TEC: variants seen among roughly 807,000 people sequenced by gnomAD.
TEC encodes the protein tec protein tyrosine kinase, also known as tyrosine-protein kinase Tec.
TEC carries 72 observed loss-of-function variants against 93.0 expected under a neutral mutation model. That is an observed-to-expected ratio of 0.77 (90% CI 0.64 to 0.94). The LOEUF is 0.94. TEC is among the 40% of genes least tolerant of loss of function. The pLI, the probability that TEC is intolerant of heterozygous loss-of-function variation, is 0.00. For missense variants in TEC, 630 were observed against 757.9 expected (o/e 0.83, Z 1.98); for synonymous variants, 249 against 247.7 (o/e 1.01, Z -0.05).
At chr4:48,200,188 C>G (rs531280800) in intron 2 of TEC, among the ~76,000 whole-genome samples, 1 of 148,408 alleles carries the variant, frequency 6.7e-6, no homozygotes, top group African/African-American at 2.5e-5. Flanking sequence ...AGGGGATACA[C>G]GGGTTCTAGA....
chr4:48,159,462 G>C (rs559862092), intron 8 of TEC, among the ~76,000 whole-genome samples: 6 of 152,148 alleles, frequency 3.9e-5, no homozygotes, highest in Admixed American at 6.5e-5. Flanking sequence ...GCACGATCTC[G>C]GCTCACTGCA....
At position 48,228,469 on chromosome 4, in the gene TEC, T is replaced by C; in HGVS notation, c.138+8A>G. The C allele has an allele frequency of 6.3e-7, 1 of 1,583,088 alleles. No homozygotes were observed. Among genetic ancestry groups the C allele is most frequent in the South Asian group, 1.2e-5 (1 of 85,642 alleles). On this transcript the variant is annotated splice_region_variant and intron_variant, in intron 2 of 17. Transcript: ENST00000381501. ...AAAGCAGAAAAGTAAATCGTGATTG[T>C]CTCTTACCTCTGCTCGACCCTCATA...
chr4:48,194,232 A>G (rs912339672), intron 2 of TEC, among the ~76,000 whole-genome samples: 1 of 152,182 alleles, frequency 6.6e-6, no homozygotes, highest in Admixed American at 6.5e-5. Flanking sequence ...CCCTGCCTAT[A>G]TCTAGCCAGT....
Position 48,146,251 on chromosome 4 carries a change from C to T in TEC, c.1081+74G>A, listed in dbSNP as rs932401543. 2.4e-5 allele frequency: 34 copies of T among 1,391,594 alleles called. No homozygotes were observed. The African/African-American group carries it at 4.3e-4, about 18-fold the overall frequency. 86.2% of individuals were successfully genotyped at this position (1,391,594 alleles called of 1,614,324 possible). The stretch of plus-strand genomic sequence containing the variant: ...CAGTTCCAGTATGTGAAATAGTACA[C>T]ATCCAAATTTATCTTATGACAATGG... On this transcript the variant is annotated intron_variant, in intron 12 of 17. Transcript: ENST00000381501.
chr4:48,156,839 A>G, intron 8 of TEC, 105 bp from the exon 9 acceptor site: 1 of 852,344 alleles, frequency 1.2e-6, no homozygotes, highest in Non-Finnish European at 1.7e-6. Flanking sequence ...AAATATAACA[A>G]ATAAGAACAA....
chr4:48,226,660 G>A (rs1261042442), intron 2 of TEC, among the ~76,000 whole-genome samples: 24 of 151,958 alleles, frequency 1.6e-4, no homozygotes, highest in Non-Finnish European at 4.4e-5. Context: ...TACTGTTCAT[G>A]TCCTCAGTAA....
In TEC at chr4:48,145,488, G is replaced by C; in HGVS notation, c.1173C>G (p.Ala391=). The C allele has an allele frequency of 6.2e-7, 1 of 1,613,970 alleles. No individual in the cohort carries two copies. The highest frequency in any genetic ancestry group is 8.5e-7 in the Non-Finnish European group (1 of 1,180,004). ...FGVVRLGKWR[A]QYKVAIKAIR... is the part of the protein sequence containing the mutation. ...TAGCTTTGATTGCGACTTTGTACTG[G>C]GCTCGCCATTTGCCAAGCCTCACCA... The change falls in exon 13 of 18, where the codon GCC becomes GCG. Residue 391 remains alanine, a synonymous_variant. Coordinates refer to ENST00000381501, the MANE Select transcript of TEC (RefSeq NM_003215.3).
At position 48,137,336 on chromosome 4, in the gene TEC, A is replaced by G; in HGVS notation, c.*80T>C. 1.8e-6 allele frequency: 2 copies of G among 1,110,646 alleles called. No homozygotes were observed. The highest frequency in any genetic ancestry group is 1.3e-5 in the South Asian group (1 of 74,894). 68.8% of individuals were successfully genotyped at this position (1,110,646 alleles called of 1,614,324 possible). ...ATAAGTAAAATGATCTACATGTCCA[A>G]GTGCTCAATAAATTAAAAGCCACAA... On this transcript the variant is annotated 3_prime_UTR_variant, in exon 18 of 18. Transcript: ENST00000381501.
At chr4:48,139,633 A>G (rs993785366) in intron 15 of TEC, among the ~76,000 whole-genome samples, 6 of 152,246 alleles carry the variant, frequency 3.9e-5, no homozygotes, top group Admixed American at 1.3e-4. Flanking sequence ...GTGAACATAC[A>G]ATGTCCTTCT....
intron 7 of TEC, among the ~76,000 whole-genome samples, chr4:48,165,253 T>C (rs1390692795): frequency 2.0e-5 from 3 of 152,184 alleles, no homozygotes; most frequent in Non-Finnish European, 4.4e-5. Context: ...AAAAATAAAC[T>C]GTTGGTTACC....
intron 1 of TEC, among the ~76,000 whole-genome samples, chr4:48,233,417 A>T (rs1196642729): frequency 6.6e-6 from 1 of 151,332 alleles, no homozygotes; most frequent in African/African-American, 2.4e-5. Flanking sequence ...GGCATAAGTG[A>T]ACTTCCTGCC....
intron 1 of TEC, among the ~76,000 whole-genome samples, chr4:48,255,972 C>T (rs1284229800): frequency 6.6e-6 from 1 of 152,100 alleles, no homozygotes; most frequent in East Asian, 1.9e-4. Flanking sequence ...AATGCAGAGG[C>T]CCAAATACAG....
intron 2 of TEC, among the ~76,000 whole-genome samples, chr4:48,215,385 T>G (rs1723044081): frequency 1.3e-5 from 2 of 152,156 alleles, no homozygotes; most frequent in Admixed American, 1.3e-4. Flanking sequence ...CACGCATCTA[T>G]AATCCCAGCT....
chr4:48,173,667 A>G (rs1379784437), intron 3 of TEC, among the ~76,000 whole-genome samples: 1 of 152,244 alleles, frequency 6.6e-6, no homozygotes, highest in Non-Finnish European at 1.5e-5. Context: ...ACCCACTGGT[A>G]GTTACCCACC....
intron 2 of TEC, among the ~76,000 whole-genome samples, chr4:48,182,256 G>A (rs2109566729): frequency 6.7e-6 from 1 of 148,316 alleles, no homozygotes; most frequent in African/African-American, 2.5e-5. Flanking sequence ...CTGCCCTCCA[G>A]CCTAGGTGAC....
intron 2 of TEC, among the ~76,000 whole-genome samples, chr4:48,183,372 C>T (rs1257044174): frequency 6.6e-6 from 1 of 152,204 alleles, no homozygotes; most frequent in Non-Finnish European, 1.5e-5. Context: ...GATACTCAGA[C>T]GGCTGGTAAA....
chr4:48,172,147 G>T (rs1179266388), intron 3 of TEC, among the ~76,000 whole-genome samples: 1 of 152,164 alleles, frequency 6.6e-6, no homozygotes, highest in Non-Finnish European at 1.5e-5. Context: ...CTTAGAGGTA[G>T]TCCTTGGTGG....
At chr4:48,166,339 G>A (rs1216552665) in intron 7 of TEC, among the ~76,000 whole-genome samples, 1 of 152,160 alleles carries the variant, frequency 6.6e-6, no homozygotes, top group Admixed American at 6.5e-5. Context: ...AAGGGTATTT[G>A]TCAAGTTGGA....
chr4:48,210,240 T>C lies in TEC; in HGVS notation c.138+18237A>G, dbSNP rs144666571. On this transcript the variant is annotated intron_variant, in intron 2 of 17. Transcript: ENST00000381501. ...GCTTATGCCTGTAATCTTGGCACTT[T>C]GGGAGGCTGAGGCAGGAGGATCCCT... Among the ~76,000 whole-genome samples the C allele has an allele frequency of 8.2e-3, 1,251 of 152,206 alleles. 9 individuals carry two copies. The highest frequency in any genetic ancestry group is 0.029 in the African/African-American group (1,196 of 41,520).
Sources: allele counts gnomAD v4.1 joint callset (sites outside exome capture counted in the v4.1 genomes callset), GRCh38; gene constraint gnomAD v4.1.1; transcripts MANE v1.5; gene names NCBI Gene and HGNC (gene_info 2026-07-23, HGNC 2026-07-21).